Variants in SLCO1B3 observed in about 807,000 individuals in gnomAD.
SLCO1B3 encodes the protein solute carrier organic anion transporter family member 1B3.
A neutral mutation model predicts 71.8 loss-of-function variants in SLCO1B3; 72 were observed. The observed-to-expected ratio is 1.00, with a 90% CI of 0.83 to 1.22. The LOEUF is 1.22. Ranked by LOEUF, SLCO1B3 falls within the 50% of genes most tolerant of loss-of-function variation. SLCO1B3 has a pLI of 0.00. For synonymous variants in SLCO1B3, 298 were observed against 278.4 expected, an observed-to-expected ratio of 1.07 and a Z score of -0.70; for missense variants, 911 against 819.7, an observed-to-expected ratio of 1.11 and a Z score of -1.36.
In SLCO1B3 at chr12:20,862,549, T is replaced by G. The variant is rs768771131; in HGVS notation, c.619T>G (p.Leu207Val). Residue 207 changes from leucine to valine, a missense_variant, in exon 7 of 16, where the codon TTG (leucine) becomes GTG (valine). Physicochemically the swap from Leu to Val is conservative, Grantham distance 32. Transcript: ENST00000381545. The part of the protein sequence containing the change: ...DDFAKEGHSS[L>V]YLGSLNAIGM... ...TTTTGCAAAAGAAGGACATTCTTCC[T>G]TGTATTTAGGTAACGTACAGAATAT... 17 of 1,608,474 alleles carry G rather than the reference T, an allele frequency of 1.1e-5. No individual in the cohort carries two copies. Among genetic ancestry groups the G allele is most frequent in the Non-Finnish European group, 1.4e-5 (17 of 1,176,322 alleles).
At chr12:20,825,789 ACT>A (rs1436014043) in intron 3 of SLCO1B3, among the ~76,000 whole-genome samples, 1 of 129,218 alleles carries the variant, frequency 7.7e-6, no homozygotes, top group Non-Finnish European at 1.6e-5. Context: ...ACAGAGCAAG[ACT>A]CTGTCTCAAA....
chr12:20,862,360 A>G, intron 6 of SLCO1B3, 52 bp from the exon 7 acceptor site: 2 of 1,521,116 alleles, frequency 1.3e-6, no homozygotes, highest in Non-Finnish European at 1.8e-6. Context: ...TAAATTTCTA[A>G]TAGGAATGTT....
In SLCO1B3 at chr12:20,829,092, A is replaced by G. The variant is rs376997465; in HGVS notation, c.84+13270A>G. ...CTTTGGCTTTGACCATGTTGAGTAG[A>G]GTTGGTCAAACCTAACGGGAAAAAG... On this transcript the variant is annotated intron_variant, in intron 3 of 15. Transcript: ENST00000381545. 1.1e-3 allele frequency among the ~76,000 whole-genome samples: 161 copies of G among 152,312 alleles called. 4 individuals carry two copies. In the South Asian group the frequency reaches 0.033, roughly 31 times the overall value.
At chr12:20,913,001 TAGACC>T (rs1276309797) in intron 15 of SLCO1B3, among the ~76,000 whole-genome samples, 1 of 152,108 alleles carries the variant, frequency 6.6e-6, no homozygotes, top group Non-Finnish European at 1.5e-5. Context: ...ATATCTTTTA[TAGACC>T]AGAATGTGGT....
chr12:20,855,940 C>T (rs1017630370), intron 4 of SLCO1B3, among the ~76,000 whole-genome samples: 1 of 151,886 alleles, frequency 6.6e-6, no homozygotes, highest in African/African-American at 2.4e-5. Flanking sequence ...ATATTTTCTA[C>T]AATTCATGTT....
intron 3 of SLCO1B3, among the ~76,000 whole-genome samples, chr12:20,853,971 G>T (rs1311658254): frequency 6.7e-6 from 1 of 149,892 alleles, no homozygotes; most frequent in Non-Finnish European, 1.5e-5. Flanking sequence ...TGACCCATTG[G>T]TTGTGTAAGA....
chr12:20,879,010 TGTTTTTGTTGTTGATTGCCA>T (rs1667581507), intron 10 of SLCO1B3, among the ~76,000 whole-genome samples: 1 of 152,106 alleles, frequency 6.6e-6, no homozygotes, highest in South Asian at 2.1e-4. Context: ...AGAAAGATTT[TGTTTTTGTTGTTGATTGCCA>T]GAAAAAAAGA....
intron 15 of SLCO1B3, among the ~76,000 whole-genome samples, chr12:20,911,624 T>C (rs1322754719): frequency 6.6e-6 from 1 of 152,238 alleles, no homozygotes; most frequent in Non-Finnish European, 1.5e-5. Flanking sequence ...CAGATATAGA[T>C]CTATTCAGAT....
chr12:20,834,735 C>A (rs1034684748), intron 3 of SLCO1B3, among the ~76,000 whole-genome samples: 16 of 152,200 alleles, frequency 1.1e-4, no homozygotes, highest in Non-Finnish European at 2.2e-4. Flanking sequence ...CTCCTCCCAG[C>A]TGCTTTCATC....
At chr12:20,859,057 A>G (rs1033268150) in intron 5 of SLCO1B3, 1 of 152,348 alleles carries the variant, frequency 6.6e-6, no homozygotes, top group Non-Finnish European at 1.5e-5. Flanking sequence ...ATAGAAGTTT[A>G]TTTTTTACAT....
intron 15 of SLCO1B3, among the ~76,000 whole-genome samples, chr12:20,903,796 G>A (rs1866175946): frequency 6.6e-6 from 1 of 152,078 alleles, no homozygotes; most frequent in African/African-American, 2.4e-5. Context: ...CAAATCTCCT[G>A]TTCTTCTCAT....
chr12:20,835,885 C>T (rs967627575), intron 3 of SLCO1B3, among the ~76,000 whole-genome samples: 1 of 152,182 alleles, frequency 6.6e-6, no homozygotes, highest in African/African-American at 2.4e-5. Context: ...TACCAATTTA[C>T]TGTATTATTC....
At chr12:20,863,406 G>A (rs1335918862) in intron 8 of SLCO1B3, among the ~76,000 whole-genome samples, 1 of 152,110 alleles carries the variant, frequency 6.6e-6, no homozygotes, top group Non-Finnish European at 1.5e-5. Flanking sequence ...TACGACTTTT[G>A]TCTTTACTCT....
chr12:20,915,373 A>G (rs1034578003), intron 15 of SLCO1B3, among the ~76,000 whole-genome samples: 1 of 152,092 alleles, frequency 6.6e-6, no homozygotes, highest in Non-Finnish European at 1.5e-5. Context: ...CCTTTCTTAC[A>G]TTCTGTCTAC....
At chr12:20,831,356 CAAAA>C (rs35410136) in intron 3 of SLCO1B3, among the ~76,000 whole-genome samples, 21 of 91,212 alleles carry the variant, frequency 2.3e-4, no homozygotes, top group African/African-American at 7.6e-4. Flanking sequence ...GACGCCATAT[CAAAA>C]AAAAAAAAAA....
At chr12:20,908,743 T>A (rs1866306439) in intron 15 of SLCO1B3, among the ~76,000 whole-genome samples, 1 of 152,184 alleles carries the variant, frequency 6.6e-6, no homozygotes, top group Non-Finnish European at 1.5e-5. Flanking sequence ...CACTGAACAA[T>A]AATTGATTGT....
intron 3 of SLCO1B3, among the ~76,000 whole-genome samples, chr12:20,838,235 T>C (rs1864725630): frequency 6.6e-6 from 1 of 152,048 alleles, no homozygotes. Flanking sequence ...TTTCCTTGCT[T>C]TGAAGTTTGC....
chr12:20,825,222 A>C (rs1057148345), intron 3 of SLCO1B3, among the ~76,000 whole-genome samples: 1 of 152,138 alleles, frequency 6.6e-6, no homozygotes, highest in South Asian at 2.1e-4. Flanking sequence ...CTGGTCTTTC[A>C]TCAAACTATA....
chr12:20,843,476 T>C (rs1056673631), intron 3 of SLCO1B3, among the ~76,000 whole-genome samples: 3 of 152,180 alleles, frequency 2.0e-5, no homozygotes. Flanking sequence ...TAATGTTCTC[T>C]TACCTCAATA....
Sources: allele counts gnomAD v4.1 joint callset (sites outside exome capture counted in the v4.1 genomes callset), GRCh38; gene constraint gnomAD v4.1.1; transcripts MANE v1.5; gene names NCBI Gene and HGNC (gene_info 2026-07-23, HGNC 2026-07-21).